The following SULF1 variants were observed in gnomAD, a reference collection of about 807,000 sequenced individuals.
SULF1 encodes extracellular sulfatase Sulf-1.
Under a neutral mutation model 110.5 loss-of-function variants are expected in SULF1, and 46 were observed. The ratio of observed to expected loss-of-function variants is 0.42; its 90% confidence interval spans 0.33 to 0.53. The LOEUF is 0.53. Ranked by LOEUF, SULF1 falls within the 20% of genes least tolerant of loss-of-function variation. SULF1 has a pLI of 0.12. For missense variants in SULF1, 941 were observed against 1,094.2 expected (o/e 0.86, Z 1.98); for synonymous variants, 371 against 387.1 (o/e 0.96, Z 0.49).
intron 3 of SULF1, among the ~76,000 whole-genome samples, chr8:69,554,705 C>T (rs547136357): frequency 1.6e-4 from 24 of 151,900 alleles, no homozygotes; most frequent in African/African-American, 5.6e-4. Flanking sequence ...ATTGGTGAGT[C>T]GCCGTGGCTC....
intron 3 of SULF1, among the ~76,000 whole-genome samples, chr8:69,517,093 G>C (rs931814591): frequency 6.6e-6 from 1 of 152,194 alleles, no homozygotes; most frequent in African/African-American, 2.4e-5. Context: ...AGGCTGGGAA[G>C]TCCAAGAGCA....
At chr8:69,579,545 TCACACA>T (rs745559296) in intron 6 of SULF1, among the ~76,000 whole-genome samples, 4 of 131,824 alleles carry the variant, frequency 3.0e-5, no homozygotes, top group African/African-American at 1.2e-4. Context: ...CAAGACTCTG[TCACACA>T]CACACACACA....
intron 8 of SULF1, among the ~76,000 whole-genome samples, chr8:69,591,584 G>A (rs7003322): frequency 0.72 from 108,503 of 151,506 alleles, 39,020 homozygotes; most frequent in South Asian, 0.78. Flanking sequence ...ACAAAGAAAA[G>A]AAAAGAAAAA....
intron 3 of SULF1, among the ~76,000 whole-genome samples, chr8:69,512,569 G>A (rs551970690): frequency 3.3e-4 from 51 of 152,324 alleles, no homozygotes; most frequent in African/African-American, 1.2e-3. Context: ...GTGGATAACA[G>A]CATTTACCTC....
At chr8:69,489,844 C>T (rs184889127), upstream of SULF1, among the ~76,000 whole-genome samples, 178 of 151,950 alleles carry the variant, frequency 1.2e-3, no homozygotes, top group African/African-American at 4.0e-3. Flanking sequence ...GCGCCCGGCC[C>T]CCGCCTTCCG....
intron 3 of SULF1, among the ~76,000 whole-genome samples, chr8:69,551,901 G>A (rs925635588): frequency 3.3e-5 from 5 of 152,132 alleles, no homozygotes; most frequent in African/African-American, 1.2e-4. Flanking sequence ...AGACCAGCCT[G>A]GCCAACATGC....
chr8:69,485,329 T>G (rs1391109240), intron 1 of SULF1, among the ~76,000 whole-genome samples: 1 of 152,210 alleles, frequency 6.6e-6, no homozygotes, highest in African/African-American at 2.4e-5. Flanking sequence ...ACATCTTAAG[T>G]GCAGAACTTA....
intron 13 of SULF1, among the ~76,000 whole-genome samples, chr8:69,614,302 C>T (rs1452575723): frequency 6.6e-6 from 1 of 152,184 alleles, no homozygotes; most frequent in Non-Finnish European, 1.5e-5. Context: ...TTAAGCCACA[C>T]CGATGAGTAA....
In SULF1 at chr8:69,468,357, C is replaced by T. The variant is rs771026398; in HGVS notation, c.-391+1407C>T. Among the ~76,000 whole-genome samples the T allele has an allele frequency of 1.1e-4, 16 of 152,308 alleles. 1 individual carries two copies. The South Asian group carries it at 2.5e-3, about 24-fold the overall frequency. On this transcript the variant is annotated intron_variant, in intron 1 of 22. Coordinates refer to the SULF1 transcript ENST00000260128. ...TAAAGATGCCTGTAAAATTATGTTTCAAGTTGCATTATACATATTTTTGCA... is the reference window on the plus strand; with the variant it reads ...TAAAGATGCCTGTAAAATTATGTTTTAAGTTGCATTATACATATTTTTGCA...
chr8:69,538,758 T>G (rs1813645781), intron 3 of SULF1, among the ~76,000 whole-genome samples: 1 of 152,146 alleles, frequency 6.6e-6, no homozygotes, highest in African/African-American at 2.4e-5. Flanking sequence ...AATGGTGCAA[T>G]CTTGGCTCAC....
intron 22 of SULF1, among the ~76,000 whole-genome samples, chr8:69,650,690 A>G (rs892392672): frequency 2.0e-5 from 3 of 152,176 alleles, no homozygotes; most frequent in African/African-American, 7.2e-5. Flanking sequence ...AGTTTATTCC[A>G]TGGATATTCT....
chr8:69,626,858 A>T (rs1242330339), intron 15 of SULF1, among the ~76,000 whole-genome samples: 2 of 152,130 alleles, frequency 1.3e-5, no homozygotes, highest in East Asian at 3.9e-4. Flanking sequence ...CTCTCCCTCC[A>T]CACCTCCCTG....
At chr8:69,538,867 A>AT (rs1347968067) in intron 3 of SULF1, among the ~76,000 whole-genome samples, 2 of 151,870 alleles carry the variant, frequency 1.3e-5, no homozygotes, top group Non-Finnish European at 2.9e-5. Flanking sequence ...TAATTTTTGT[A>AT]TTTTTAGTGG....
intron 14 of SULF1, among the ~76,000 whole-genome samples, chr8:69,621,969 G>A (rs774965392): frequency 2.6e-5 from 4 of 152,166 alleles, no homozygotes; most frequent in Non-Finnish European, 2.9e-5. Context: ...TTGGAAAGAA[G>A]CAATTTAAGT....
At chr8:69,613,499 A>G (rs948418814) in intron 13 of SULF1, among the ~76,000 whole-genome samples, 18 of 152,180 alleles carry the variant, frequency 1.2e-4, no homozygotes, top group African/African-American at 4.1e-4. Flanking sequence ...TTCAGGAAGG[A>G]AAAGCAACCA....
At chr8:69,638,336 A>T in intron 19 of SULF1, 166 bp from the exon 20 acceptor site, 2 of 780,002 alleles carry the variant, frequency 2.6e-6, no homozygotes, top group Non-Finnish European at 3.9e-6. Flanking sequence ...CAGCAAATTT[A>T]CCTACGGGGG....
intron 13 of SULF1, among the ~76,000 whole-genome samples, chr8:69,613,232 C>G (rs527372463): frequency 6.7e-6 from 1 of 150,350 alleles, no homozygotes; most frequent in East Asian, 1.9e-4. Flanking sequence ...TATGCCAGTA[C>G]CATGCTGTTT....
At chr8:69,594,875 A>G (rs1236033716) in intron 8 of SULF1, among the ~76,000 whole-genome samples, 1 of 152,180 alleles carries the variant, frequency 6.6e-6, no homozygotes, top group African/African-American at 2.4e-5. Flanking sequence ...GGGCATTCAG[A>G]TAAAATATCA....
At chr8:69,524,465 G>T (rs1163354884) in intron 3 of SULF1, among the ~76,000 whole-genome samples, 2 of 152,052 alleles carry the variant, frequency 1.3e-5, no homozygotes, top group African/African-American at 4.8e-5. Flanking sequence ...CAATGACCAG[G>T]TCTTGCATGA....
Sources: allele counts gnomAD v4.1 joint callset (sites outside exome capture counted in the v4.1 genomes callset), GRCh38; gene constraint gnomAD v4.1.1; transcripts MANE v1.5; gene names NCBI Gene and HGNC (gene_info 2026-07-23, HGNC 2026-07-21).